PTPN21: variants seen among roughly 807,000 people sequenced by gnomAD.
PTPN21 encodes the protein tyrosine-protein phosphatase non-receptor type 21.
Under a neutral mutation model 131.8 loss-of-function variants are expected in PTPN21, and 77 were observed. That is an observed-to-expected ratio of 0.58 (90% CI 0.49 to 0.71). PTPN21 has a LOEUF of 0.71. Ranked by LOEUF, PTPN21 falls within the 30% of genes least tolerant of loss-of-function variation. The pLI, the probability that PTPN21 is intolerant of heterozygous loss-of-function variation, is 0.00. For missense variants in PTPN21, 1,552 were observed against 1,527.1 expected (o/e 1.02, Z -0.27); for synonymous variants, 715 against 621.3 (o/e 1.15, Z -2.24).
intron 2 of PTPN21, among the ~76,000 whole-genome samples, chr14:88,537,415 T>C (rs921651752): frequency 1.3e-5 from 2 of 152,096 alleles, no homozygotes; most frequent in Non-Finnish European, 2.9e-5. Context: ...GAAACACAAA[T>C]AAATATACTC....
Position 88,469,440 on chromosome 14 carries a change from CCTCT to C in PTPN21, c.3235+55_3235+58del. The C allele has an allele frequency of 7.3e-7, 1 of 1,373,328 alleles. No individual in the cohort carries two copies. Among genetic ancestry groups the C allele is most frequent in the Non-Finnish European group, 1.0e-6 (1 of 966,346 alleles). The allele number at this position is 1,373,328 out of a possible 1,614,324, so 85.1% of individuals were successfully genotyped here. On this transcript the variant is annotated intron_variant, in intron 17 of 18. Transcript: ENST00000556564. The surrounding 1 kb of genome is among the most constrained non-coding windows in gnomAD (Gnocchi z 4.3). Reference sequence around the variant, plus strand: ...GAAATATTTCGGAAACATAAATGTTCCTCTCTGTTTAACACCTCCAGAGGCAGCT... The same window carrying C: ...GAAATATTTCGGAAACATAAATGTTCCTGTTTAACACCTCCAGAGGCAGCT...
chr14:88,479,553 G>A lies in PTPN21; in HGVS notation c.1878C>T (p.Ala626=), dbSNP rs142686072. ...SLQEVSEPLT[A]ARHAQLHKRN... ...GTTTGTGCAGCTGCGCGTGGCGCGC[G>A]GCGGTGAGGGGCTCGCTGACCTCCT... is the stretch of plus-strand genomic sequence containing the variant. Residue 626 remains alanine, a synonymous_variant, in exon 13 of 19, where the codon GCC becomes GCT. Coordinates refer to ENST00000556564, the MANE Select transcript of PTPN21 (RefSeq NM_007039.4). The A allele has an allele frequency of 2.5e-4, 399 of 1,598,418 alleles. No individual in the cohort carries two copies. The highest frequency in any genetic ancestry group is 7.4e-4 in the Admixed American group (44 of 59,816).
chr14:88,470,032 C>A lies in PTPN21; in HGVS notation c.2890G>T (p.Glu964Ter), dbSNP rs747979607. The A allele has an allele frequency of 6.2e-7, 1 of 1,613,018 alleles. No homozygotes were observed. The highest frequency in any genetic ancestry group is 8.5e-7 in the Non-Finnish European group (1 of 1,179,244). Residue 964 changes from glutamate (E) to a stop codon, truncating the protein, a stop_gained, in exon 16 of 19, where the codon GAA (glutamate) becomes TAA (stop). Coordinates refer to ENST00000556564, the MANE Select transcript of PTPN21 (RefSeq NM_007039.4). LOFTEE classifies it high-confidence loss of function. ...CCCTGTGTGGCAATATAATCCCATT[C>A]GATTCCACTGACAGAGACCTGGGAT... ...SHIKVSVSGI[E>*]WDYIATQGPL...
chr14:88,479,546 G>C lies in PTPN21; in HGVS notation c.1885C>G (p.His629Asp). The C allele has an allele frequency of 1.9e-6, 3 of 1,599,158 alleles. No individual in the cohort carries two copies. The highest frequency in any genetic ancestry group is 2.5e-6 in the Non-Finnish European group (3 of 1,178,888). ...EVSEPLTAARHAQLHKRNSIE... is the reference protein window; with the variant it reads ...EVSEPLTAARDAQLHKRNSIE... ...CTGTTCCGTTTGTGCAGCTGCGCGT[G>C]GCGCGCGGCGGTGAGGGGCTCGCTG... Residue 629 changes from histidine to aspartate, a missense_variant, in exon 13 of 19, where the codon CAC (histidine) becomes GAC (aspartate). This residue lies in a region of PTPN21 where 1,016 missense variants were observed against 883.5 expected (regional missense o/e 1.15). Transcript: ENST00000556564.
chr14:88,553,164 TC>T (rs2078888799), intron 1 of PTPN21, among the ~76,000 whole-genome samples: 1 of 152,164 alleles, frequency 6.6e-6, no homozygotes, highest in East Asian at 1.9e-4. Flanking sequence ...CTTTCAATTG[TC>T]CCTCAGACTT....
intron 3 of PTPN21, among the ~76,000 whole-genome samples, chr14:88,516,718 T>C (rs1021706680): frequency 6.6e-6 from 1 of 152,200 alleles, no homozygotes; most frequent in African/African-American, 2.4e-5. Context: ...TTTCAGCACA[T>C]TTCCTTGAGG....
Position 88,466,701 on chromosome 14 carries a change from C to G in PTPN21, c.*1436G>C, listed in dbSNP as rs1008573359. On this transcript the variant is annotated 3_prime_UTR_variant, in exon 19 of 19. Transcript: ENST00000556564. ...TCTCCCCCTGTAACTCAGCCTGGCT[C>G]TGTCTATTGGGATGTGCCTAAATGG... 1.3e-5 allele frequency: 2 copies of G among 152,174 alleles called. No homozygotes were observed. Among genetic ancestry groups the G allele is most frequent in the Admixed American group, 1.3e-4 (2 of 15,272 alleles). The allele number at this position is 152,174 out of a possible 1,614,324, so 9.4% of individuals were successfully genotyped here.
intron 6 of PTPN21, among the ~76,000 whole-genome samples, chr14:88,501,724 A>T (rs935771990): frequency 1.3e-5 from 2 of 152,052 alleles, no homozygotes; most frequent in Non-Finnish European, 1.5e-5. Flanking sequence ...CATGCCTGTA[A>T]CCGCAGCACC....
chr14:88,540,574 T>C (rs979667979), intron 2 of PTPN21, among the ~76,000 whole-genome samples: 1 of 152,250 alleles, frequency 6.6e-6, no homozygotes, highest in Admixed American at 6.5e-5. Context: ...TAAAGTTCAA[T>C]GTGCTGAAAA....
intron 2 of PTPN21, among the ~76,000 whole-genome samples, chr14:88,522,281 A>C (rs1201185178): frequency 6.6e-6 from 1 of 151,922 alleles, no homozygotes; most frequent in Non-Finnish European, 1.5e-5. Flanking sequence ...ACAAAAAATT[A>C]GCCGGGTATG....
chr14:88,547,858 G>C (rs1240615660), intron 2 of PTPN21, among the ~76,000 whole-genome samples: 1 of 152,066 alleles, frequency 6.6e-6, no homozygotes, highest in East Asian at 1.9e-4. Context: ...CACTTAGGCT[G>C]ATACTTCCCA....
At chr14:88,496,958 T>C (rs774320207) in intron 9 of PTPN21, among the ~76,000 whole-genome samples, 13 of 152,212 alleles carry the variant, frequency 8.5e-5, no homozygotes, top group Non-Finnish European at 1.8e-4. Context: ...TGAAGTTTAA[T>C]TTAAAGGTTA....
intron 15 of PTPN21, 79 bp from the exon 16 acceptor site, chr14:88,470,129 C>A: frequency 2.1e-6 from 3 of 1,441,374 alleles, no homozygotes; most frequent in South Asian, 2.6e-5. Flanking sequence ...CATGGTAGTA[C>A]TAAAAAAGTT....
rs2077392107 is a variant in PTPN21, at chr14:88,468,044, CA to C, written c.*92del. ...CGTCCCAGTGCCACGCTGCGTGGAT[CA>C]AGTGTCAACGGGAAAGTATGAGTTA... On this transcript the variant is annotated 3_prime_UTR_variant, in exon 19 of 19. Coordinates refer to ENST00000556564, the MANE Select transcript of PTPN21 (RefSeq NM_007039.4). The C allele has an allele frequency of 6.8e-7, 1 of 1,468,768 alleles. No homozygotes were observed. Among genetic ancestry groups the C allele is most frequent in the African/African-American group, 1.4e-5 (1 of 70,780 alleles). The allele number at this position is 1,468,768 out of a possible 1,614,324, so 91.0% of individuals were successfully genotyped here.
rs190012613 is a variant in PTPN21 at position 88,528,581 on chromosome 14, T to C, written c.181-11320A>G. ...GAATTCCCACGTTGTGGGAGGGACC[T>C]GGTGGGAGGTAACTGAATCATGGGG... On this transcript the variant is annotated intron_variant, in intron 2 of 18. Transcript: ENST00000556564. Among the ~76,000 whole-genome samples the C allele has an allele frequency of 5.3e-3, 805 of 152,334 alleles. 4 individuals are homozygous for C. The highest frequency in any genetic ancestry group is 0.019 in the African/African-American group (782 of 41,572).
Position 88,473,936 on chromosome 14 carries a change from C to A in PTPN21, c.2512-134G>T, listed in dbSNP as rs555040528. On this transcript the variant is annotated intron_variant, in intron 13 of 18. Coordinates refer to ENST00000556564, the MANE Select transcript of PTPN21 (RefSeq NM_007039.4). ...TGCCAATAAACCCAGAAAGATTACA[C>A]TCCTTCACACACCACTTGTTTAACA... is the stretch of plus-strand genomic sequence containing the variant. 4 of 666,136 alleles carry A rather than the reference C, an allele frequency of 6.0e-6. No individual in the cohort carries two copies. The South Asian group carries it at 8.7e-5, about 15-fold the overall frequency. 41.3% of individuals were successfully genotyped at this position (666,136 alleles called of 1,614,324 possible).
At chr14:88,532,451 G>A (rs2139341437) in intron 2 of PTPN21, among the ~76,000 whole-genome samples, 1 of 152,242 alleles carries the variant, frequency 6.6e-6, no homozygotes, top group East Asian at 1.9e-4. Context: ...CTTACGTCAA[G>A]ATTTTGTGCC....
intron 13 of PTPN21, among the ~76,000 whole-genome samples, chr14:88,476,962 A>T (rs954531610): frequency 6.6e-6 from 1 of 152,194 alleles, no homozygotes; most frequent in African/African-American, 2.4e-5. Flanking sequence ...GGGATAAAAT[A>T]GGCCTGAGTA....
intron 3 of PTPN21, among the ~76,000 whole-genome samples, chr14:88,510,935 CAG>C (rs894622940): frequency 3.5e-5 from 5 of 144,746 alleles, no homozygotes; most frequent in African/African-American, 1.3e-4. Context: ...TTTTTTGAGA[CAG>C]GGTCTTGCTC....
Sources: allele counts gnomAD v4.1 joint callset (sites outside exome capture counted in the v4.1 genomes callset), GRCh38; gene constraint gnomAD v4.1.1; regional missense constraint gnomAD v4.1.1; non-coding constraint Gnocchi (gnomAD v3.1); transcripts MANE v1.5; gene names NCBI Gene and HGNC (gene_info 2026-07-23, HGNC 2026-07-21).